MAGI2: variants seen among roughly 807,000 people sequenced by gnomAD.
The protein encoded by MAGI2 is membrane-associated guanylate kinase, WW and PDZ domain-containing protein 2.
MAGI2 carries 35 observed loss-of-function variants against 133.3 expected under a neutral mutation model. That is an observed-to-expected ratio of 0.26 (90% confidence interval 0.20 to 0.35). MAGI2 has a LOEUF of 0.35. MAGI2 is among the 10% of genes least tolerant of loss of function. The pLI, the probability that MAGI2 is intolerant of heterozygous loss-of-function variation, is 1.00. For synonymous variants in MAGI2, 729 were observed against 710.6 expected (o/e 1.03, Z -0.41); for missense variants, 1,636 against 1,863.4 (o/e 0.88, Z 2.25).
chr7:78,229,840 A>G (rs1468684239), intron 10 of MAGI2, among the ~76,000 whole-genome samples: 1 of 152,186 alleles, frequency 6.6e-6, no homozygotes, highest in Non-Finnish European at 1.5e-5. Context: ...GAAGTGGTCA[A>G]GCATGTCAGA....
At chr7:78,370,917 C>T (rs957849684) in intron 6 of MAGI2, among the ~76,000 whole-genome samples, 4 of 151,912 alleles carry the variant, frequency 2.6e-5, no homozygotes, top group Non-Finnish European at 2.9e-5. Flanking sequence ...TTTAGAGTAC[C>T]TTAAGAAATC....
At chr7:79,338,330 C>A (rs1252433264) in intron 1 of MAGI2, among the ~76,000 whole-genome samples, 2 of 152,080 alleles carry the variant, frequency 1.3e-5, no homozygotes, top group African/African-American at 4.8e-5. Context: ...TAACAGGAAT[C>A]CAGGTATTTC....
chr7:79,108,228 A>G (rs1048997220), intron 1 of MAGI2, among the ~76,000 whole-genome samples: 4 of 152,174 alleles, frequency 2.6e-5, no homozygotes, highest in African/African-American at 9.7e-5. Flanking sequence ...CTCATTTCTT[A>G]AAAGAATGGG....
intron 1 of MAGI2, among the ~76,000 whole-genome samples, chr7:79,096,482 T>G (rs547679714): frequency 3.9e-5 from 6 of 152,180 alleles, no homozygotes; most frequent in Admixed American, 3.9e-4. Context: ...TAATCCTGCC[T>G]ACAACTTTAC....
At chr7:78,438,899 C>T (rs934563838) in intron 6 of MAGI2, among the ~76,000 whole-genome samples, 3 of 152,168 alleles carry the variant, frequency 2.0e-5, no homozygotes, top group African/African-American at 4.8e-5. Flanking sequence ...AAATTAATCT[C>T]TTCCTGCTCA....
chr7:79,243,646 G>A (rs1476705568), intron 1 of MAGI2, among the ~76,000 whole-genome samples: 1 of 152,102 alleles, frequency 6.6e-6, no homozygotes, highest in Non-Finnish European at 1.5e-5. Context: ...GGTGATAGAG[G>A]GTAGGGGATT....
intron 2 of MAGI2, among the ~76,000 whole-genome samples, chr7:78,666,847 T>C (rs901843282): frequency 6.6e-6 from 1 of 152,164 alleles, no homozygotes; most frequent in Non-Finnish European, 1.5e-5. Flanking sequence ...TGGCTAAAAG[T>C]GAAGTCTTCA....
intron 10 of MAGI2, among the ~76,000 whole-genome samples, chr7:78,225,548 G>C (rs1323205880): frequency 6.6e-6 from 1 of 151,962 alleles, no homozygotes; most frequent in Admixed American, 6.6e-5. Flanking sequence ...GGTTTTACCA[G>C]AAAAATGTTT....
At chr7:78,655,409 C>A (rs1349670149) in intron 2 of MAGI2, among the ~76,000 whole-genome samples, 31 of 35,866 alleles carry the variant, frequency 8.6e-4, no homozygotes, top group African/African-American at 3.4e-3. Context: ...ATACAAAAAA[C>A]AAAACAAAAC....
At chr7:78,373,797 T>C (rs1236097624) in intron 6 of MAGI2, among the ~76,000 whole-genome samples, 1 of 152,154 alleles carries the variant, frequency 6.6e-6, no homozygotes, top group Non-Finnish European at 1.5e-5. Flanking sequence ...GCCATCTTTA[T>C]GTTCATGAAT....
chr7:78,195,424 A>C (rs936346175), intron 11 of MAGI2, among the ~76,000 whole-genome samples: 11 of 152,180 alleles, frequency 7.2e-5, no homozygotes, highest in Non-Finnish European at 1.3e-4. Context: ...AATGTATGGT[A>C]TTAGTTGTTC....
chr7:78,757,555 A>G (rs966017998), intron 2 of MAGI2, among the ~76,000 whole-genome samples: 2 of 152,204 alleles, frequency 1.3e-5, no homozygotes, highest in Non-Finnish European at 2.9e-5. Context: ...CCGTTTTATT[A>G]TCTTGAACTC....
chr7:78,040,669 A>G (rs1345493592), intron 21 of MAGI2, among the ~76,000 whole-genome samples: 1 of 152,142 alleles, frequency 6.6e-6, no homozygotes, highest in African/African-American at 2.4e-5. Flanking sequence ...CTCGCCTTGG[A>G]GACAGCCCTG....
At chr7:78,457,431 C>T (rs1011465764) in intron 6 of MAGI2, among the ~76,000 whole-genome samples, 1 of 152,100 alleles carries the variant, frequency 6.6e-6, no homozygotes, top group African/African-American at 2.4e-5. Flanking sequence ...GGCTGATGGA[C>T]CTTTGAACAA....
chr7:79,311,152 C>T (rs1838260643), intron 1 of MAGI2, among the ~76,000 whole-genome samples: 1 of 152,068 alleles, frequency 6.6e-6, no homozygotes, highest in Non-Finnish European at 1.5e-5. Context: ...TCACCAATTA[C>T]CCCTATGTTG....
intron 1 of MAGI2, among the ~76,000 whole-genome samples, chr7:79,382,974 T>C (rs1585781852): frequency 6.6e-6 from 1 of 151,602 alleles, no homozygotes; most frequent in African/African-American, 2.4e-5. Context: ...ATAAAATAAG[T>C]TCTCAATTGT....
At chr7:79,069,866 C>T (rs920659918) in intron 1 of MAGI2, among the ~76,000 whole-genome samples, 2 of 152,128 alleles carry the variant, frequency 1.3e-5, no homozygotes, top group Admixed American at 6.5e-5. Context: ...GCTTATGAAG[C>T]TTAGTTTGGA....
At chr7:79,026,327 C>T (rs2116748091) in intron 1 of MAGI2, among the ~76,000 whole-genome samples, 1 of 152,302 alleles carries the variant, frequency 6.6e-6, no homozygotes, top group South Asian at 2.1e-4. Context: ...CTCATCCCTT[C>T]AATTACTTGC....
intron 21 of MAGI2, among the ~76,000 whole-genome samples, chr7:78,035,374 G>A (rs1466770540): frequency 7.3e-6 from 1 of 136,282 alleles, no homozygotes; most frequent in Non-Finnish European, 1.6e-5. Context: ...GTGAACGAGG[G>A]GTCCCAAGAG....
Sources: gnomAD v4.1 joint callset for allele counts (sites outside exome capture counted in the v4.1 genomes callset) on GRCh38, gnomAD v4.1.1 for gene constraint, MANE v1.5 for transcripts, NCBI Gene and HGNC (gene_info 2026-07-23, HGNC 2026-07-21) for gene names.